The following B3GALT5 variants were observed in gnomAD, a reference collection of about 807,000 sequenced individuals.
B3GALT5 encodes beta-1,3-galactosyltransferase 5.
For synonymous variants in B3GALT5, 156 were observed against 158.6 expected, an observed-to-expected ratio of 0.98 and a Z score of 0.12; for missense variants, 328 against 396.6, an observed-to-expected ratio of 0.83 and a Z score of 1.47.
At chr21:39,639,404 CT>C in intron 1 of B3GALT5, among the ~76,000 whole-genome samples, 1 of 67,960 alleles carries the variant, frequency 1.5e-5, no homozygotes, top group African/African-American at 6.0e-5. Flanking sequence ...CTTTCTTTTT[CT>C]TTCTTTCTTT....
chr21:39,657,638 C>T (rs986223825), intron 2 of B3GALT5: 6 of 356,708 alleles, frequency 1.7e-5, no homozygotes, highest in Non-Finnish European at 3.0e-5. Flanking sequence ...GCCAATTCTT[C>T]TAAGAAATTT....
chr21:39,656,028 A>G (rs2079440609), intron 2 of B3GALT5, among the ~76,000 whole-genome samples: 1 of 152,132 alleles, frequency 6.6e-6, no homozygotes, highest in African/African-American at 2.4e-5. Flanking sequence ...GGCAGTTTCC[A>G]CTGGCGTTTT....
At position 39,665,261 on chromosome 21, in the gene B3GALT5, C is replaced by T. The variant is rs2079568895; in HGVS notation, c.*3769C>T. The T allele has an allele frequency of 6.6e-6, 1 of 152,298 alleles. No individual in the cohort carries two copies. 9.4% of individuals were successfully genotyped at this position (152,298 alleles called of 1,614,324 possible). A position where few individuals can be genotyped will look rare whatever the true frequency, so the allele number is the denominator to read the frequency against. On this transcript the variant is annotated 3_prime_UTR_variant, in exon 4 of 4. Transcript: ENST00000684187. The stretch of plus-strand genomic sequence containing the variant: ...TCAAATTCTCTCCAGGAGCCAACCA[C>T]CTCCTGCCCCTCCACTGCGACCACC...
chr21:39,614,707 C>T (rs2079098469), intron 1 of B3GALT5, among the ~76,000 whole-genome samples: 1 of 152,192 alleles, frequency 6.6e-6, no homozygotes, highest in Non-Finnish European at 1.5e-5. Context: ...AGATTCAGGC[C>T]AGTTCAGACG....
intron 1 of B3GALT5, among the ~76,000 whole-genome samples, chr21:39,630,824 C>CA (rs1030073816): frequency 6.6e-6 from 1 of 152,136 alleles, no homozygotes; most frequent in Non-Finnish European, 1.5e-5. Flanking sequence ...GATGTTTCCC[C>CA]AGCAGCCTTC....
intron 2 of B3GALT5, among the ~76,000 whole-genome samples, chr21:39,656,190 G>A (rs1331490743): frequency 1.3e-5 from 2 of 152,192 alleles, no homozygotes; most frequent in African/African-American, 4.8e-5. Flanking sequence ...TTTGAGAACC[G>A]TGGGGTTGTT....
rs979113688 is a variant in B3GALT5, at chr21:39,613,067, G to C, written c.-392G>C. 2.7e-5 allele frequency: 4 copies of C among 149,308 alleles called. No individual in the cohort carries two copies. Among genetic ancestry groups the C allele is most frequent in the Non-Finnish European group, 6.0e-5 (4 of 67,016 alleles). The allele number at this position is 149,308 out of a possible 1,614,324, so 9.2% of individuals were successfully genotyped here. On this transcript the variant is annotated splice_region_variant and 5_prime_UTR_variant, in exon 1 of 4. Coordinates refer to ENST00000684187, the MANE Select transcript of B3GALT5 (RefSeq NM_001356336.2). ...GGCCTGCCGGGGCTGCCCCGCGCAC[G>C]GTAAGGCCCGGGGCTGGGGCGCGGG...
At chr21:39,639,359 C>CTTCCTTCCTTCCTTCT (rs2079261751) in intron 1 of B3GALT5, among the ~76,000 whole-genome samples, 3 of 100,538 alleles carry the variant, frequency 3.0e-5, no homozygotes, top group African/African-American at 1.1e-4. Context: ...TCCTTCCTTC[C>CTTCCTTCCTTCCTTCT]TTCCTTCCTT....
At chr21:39,641,852 A>C (rs762703175) in intron 1 of B3GALT5, among the ~76,000 whole-genome samples, 47 of 152,226 alleles carry the variant, frequency 3.1e-4, no homozygotes, top group Non-Finnish European at 5.9e-4. Context: ...GGTAAAAGTG[A>C]GACATGTAAA....
At chr21:39,613,372 G>T (rs142838773) in intron 1 of B3GALT5, among the ~76,000 whole-genome samples, 33 of 152,312 alleles carry the variant, frequency 2.2e-4, no homozygotes, top group African/African-American at 7.7e-4. Flanking sequence ...AAGACTTAGG[G>T]AATCAGCACT....
chr21:39,640,240 G>A (rs189862362), intron 1 of B3GALT5, among the ~76,000 whole-genome samples: 67 of 152,238 alleles, frequency 4.4e-4, no homozygotes, highest in African/African-American at 1.5e-3. Flanking sequence ...CACATGCTTT[G>A]AACCACCGAC....
In B3GALT5 at chr21:39,648,332, C is replaced by T. The variant is rs891122198; in HGVS notation, c.-161+1710C>T. The stretch of plus-strand genomic sequence containing the variant: ...AAAAAAAAAATAGAGCTTCAGCAGG[C>T]GGTAGATTGTAGAGTGAGGGGAGGG... On this transcript the variant is annotated intron_variant, in intron 2 of 3. Coordinates refer to ENST00000684187, the MANE Select transcript of B3GALT5 (RefSeq NM_001356336.2). Among the ~76,000 whole-genome samples the T allele has an allele frequency of 2.6e-5, 4 of 151,970 alleles. No homozygotes were observed. In the East Asian group the frequency reaches 5.8e-4, roughly 22 times the overall value.
chr21:39,644,796 G>T (rs2079321364), intron 1 of B3GALT5, among the ~76,000 whole-genome samples: 1 of 152,138 alleles, frequency 6.6e-6, no homozygotes, highest in Non-Finnish European at 1.5e-5. Flanking sequence ...GGTTGGGAGA[G>T]AAAAAATGAT....
chr21:39,647,903 G>A (rs2079356692), intron 2 of B3GALT5, among the ~76,000 whole-genome samples: 1 of 152,194 alleles, frequency 6.6e-6, no homozygotes. Flanking sequence ...GATGTAGACA[G>A]TTAAAAAGCT....
At chr21:39,660,180 G>C (rs1367971706) in intron 3 of B3GALT5, among the ~76,000 whole-genome samples, 1 of 152,186 alleles carries the variant, frequency 6.6e-6, no homozygotes, top group African/African-American at 2.4e-5. Context: ...TCTACAATGC[G>C]TGGTTTCCAG....
rs1169609358 is a variant in B3GALT5 at position 39,672,534 on chromosome 21, CCTT to C, written c.*11043_*11045del. 1 of 152,048 alleles carries C rather than the reference CCTT, an allele frequency of 6.6e-6. No homozygotes were observed. The highest frequency in any genetic ancestry group is 1.5e-5 in the Non-Finnish European group (1 of 68,024). 9.4% of individuals were successfully genotyped at this position (152,048 alleles called of 1,614,324 possible). On this transcript the variant is annotated 3_prime_UTR_variant, in exon 4 of 4. Transcript: ENST00000684187. ...TTGTATTTTGGAAATGGGTATATGT[CCTT>C]ATTATTGGTTAATAATCATATTTAT...
chr21:39,629,938 A>T (rs2079182853), intron 1 of B3GALT5, among the ~76,000 whole-genome samples: 1 of 152,202 alleles, frequency 6.6e-6, no homozygotes, highest in Non-Finnish European at 1.5e-5. Flanking sequence ...AATGTTTAGT[A>T]TTTAAAAGTG....
intron 2 of B3GALT5, among the ~76,000 whole-genome samples, chr21:39,651,751 A>AG (rs1174271702): frequency 6.8e-6 from 1 of 146,596 alleles, no homozygotes; most frequent in Admixed American, 7.0e-5. Context: ...CGGCGAAGCT[A>AG]GTCCTGCCTG....
At position 39,621,485 on chromosome 21, in the gene B3GALT5, T is replaced by G. The variant is rs375811481; in HGVS notation, c.-392+8418T>G. 2.9e-3 allele frequency among the ~76,000 whole-genome samples: 435 copies of G among 152,216 alleles called. 7 individuals carry two copies. In the East Asian group the frequency reaches 0.03, roughly 11 times the overall value. On this transcript the variant is annotated intron_variant, in intron 1 of 3. Coordinates refer to ENST00000684187, the MANE Select transcript of B3GALT5 (RefSeq NM_001356336.2). ...GGCTTGCACAAAAAGGTTTTTTTTT[T>G]TTGTTGTTCCTTTAAAATTTGGTAA...
Sources: gnomAD v4.1 joint callset for allele counts (sites outside exome capture counted in the v4.1 genomes callset) on GRCh38, gnomAD v4.1.1 for gene constraint, MANE v1.5 for transcripts, NCBI Gene and HGNC (gene_info 2026-07-23, HGNC 2026-07-21) for gene names.